AKR1C2: variants seen among roughly 807,000 people sequenced by gnomAD.
AKR1C2 encodes the protein 3-alpha-HSD3.
Under a neutral mutation model 39.8 loss-of-function variants are expected in AKR1C2, and 27 were observed. The ratio of observed to expected loss-of-function variants is 0.68; its 90% CI spans 0.50 to 0.93. The LOEUF (loss-of-function observed/expected upper bound fraction) is 0.93. AKR1C2 is among the 40% of genes least tolerant of loss of function. The pLI, the probability that AKR1C2 is intolerant of heterozygous loss-of-function variation, is 0.00. For synonymous variants in AKR1C2, 114 were observed against 137.9 expected (o/e 0.83, Z 1.22); for missense variants, 263 against 365.1 (o/e 0.72, Z 2.28).
At chr10:5,010,524 C>T (rs1431854130) in intron 1 of AKR1C2, 5 of 152,024 alleles carry the variant, frequency 3.3e-5, no homozygotes, top group African/African-American at 7.3e-5. Context: ...AGGACAAGAG[C>T]CACTTGAAGA....
At chr10:5,008,224 G>C (rs10904389), upstream of AKR1C2, among the ~76,000 whole-genome samples, 85 of 142,846 alleles carry the variant, frequency 6.0e-4, no homozygotes, top group Non-Finnish European at 1.0e-3. Flanking sequence ...CCACATATTA[G>C]TGCTCAACAT....
chr10:4,990,009 GA>G lies in AKR1C2; in HGVS notation c.958del (p.Ser320LeufsTer11). 1 of 1,606,170 alleles carries G rather than the reference GA, an allele frequency of 6.2e-7. No individual in the cohort carries two copies. Among genetic ancestry groups the G allele is most frequent in the Non-Finnish European group, 8.5e-7 (1 of 1,178,122 alleles). ...IFAGPPNYPF[S>X]DEY ...ATGCCCTCCATGTTAATATTCATCA[GA>G]AAATGGATAATTAGGGGGGCCAGCA... is the stretch of plus-strand genomic sequence containing the variant. On this transcript the variant is annotated frameshift_variant, in exon 9 of 9. Transcript: ENST00000380753. LOFTEE classifies it high-confidence loss of function.
chr10:5,013,134 C>A (rs1169913627), intron 1 of AKR1C2, among the ~76,000 whole-genome samples: 1 of 152,146 alleles, frequency 6.6e-6, no homozygotes, highest in Non-Finnish European at 1.5e-5. Flanking sequence ...GTAGAACAAA[C>A]CACCATGGCA....
intron 1 of AKR1C2, among the ~76,000 whole-genome samples, chr10:5,017,098 A>G (rs1793326120): frequency 6.6e-6 from 1 of 152,206 alleles, no homozygotes; most frequent in African/African-American, 2.4e-5. Context: ...CAGGTCTGTG[A>G]TAGAAGGGGT....
Position 4,988,440 on chromosome 10 carries a change from T to A in AKR1C2, c.*1556A>T, listed in dbSNP as rs1247109638. ...GAGCTAGAAATATTTTTTGGTGGAT[T>A]TCTCAGCCTAGAGGTGATATTTAAT... On this transcript the variant is annotated 3_prime_UTR_variant, in exon 9 of 9. Coordinates refer to ENST00000380753, the MANE Select transcript of AKR1C2 (RefSeq NM_001393392.1). The A allele has an allele frequency of 2.0e-5, 3 of 152,238 alleles. No individual in the cohort carries two copies. Among genetic ancestry groups the A allele is most frequent in the African/African-American group, 7.2e-5 (3 of 41,460 alleles). 9.4% of individuals were successfully genotyped at this position (152,238 alleles called of 1,614,324 possible).
chr10:5,001,752 C>G, intron 1 of AKR1C2, 71 bp from the exon 2 acceptor site: 2 of 1,597,276 alleles, frequency 1.3e-6, no homozygotes, highest in East Asian at 2.2e-5. Flanking sequence ...CAAGCAGCAA[C>G]GTTCACAAAA....
intron 5 of AKR1C2, chr10:4,996,079 C>T (rs1554773042): frequency 1.4e-6 from 1 of 694,580 alleles, no homozygotes; most frequent in East Asian, 4.8e-5. Flanking sequence ...CTCCATGAAC[C>T]CTATCCTGGT....
chr10:5,007,825 A>G (rs1440544423), upstream of AKR1C2, among the ~76,000 whole-genome samples: 1 of 151,926 alleles, frequency 6.6e-6, no homozygotes, highest in Non-Finnish European at 1.5e-5. Context: ...CAATGGTTTT[A>G]TAGGCAGTGG....
intron 7 of AKR1C2, among the ~76,000 whole-genome samples, chr10:4,993,151 G>A (rs1244141444): frequency 6.6e-6 from 1 of 152,082 alleles, no homozygotes; most frequent in African/African-American, 2.4e-5. Flanking sequence ...ACTTGCCTGT[G>A]GAAGTTAATA....
intron 5 of AKR1C2, chr10:4,997,477 T>C (rs1554773229): frequency 8.9e-6 from 2 of 223,648 alleles, no homozygotes; most frequent in East Asian, 2.6e-4. Flanking sequence ...GAGAGGTCTC[T>C]AGGGGTCAAT....
chr10:4,994,177 A>C (rs2904808), intron 7 of AKR1C2, among the ~76,000 whole-genome samples: 9,763 of 150,164 alleles, frequency 0.065, 545 homozygotes, highest in African/African-American at 0.15. Flanking sequence ...TATGTATCTA[A>C]CTAATTAGAA....
upstream of AKR1C2, chr10:5,003,905 C>G (rs1175967237): frequency 5.0e-5 from 73 of 1,447,070 alleles, no homozygotes; most frequent in Non-Finnish European, 1.6e-5. Context: ...GAGCTGGCAA[C>G]GCCCCTGAGC....
Position 5,001,739 on chromosome 10 carries a change from G to C in AKR1C2, c.85-58C>G, listed in dbSNP as rs576925833. 17 of 1,606,474 alleles carry C rather than the reference G, an allele frequency of 1.1e-5. No homozygotes were observed. The East Asian group carries it at 3.6e-4, about 34-fold the overall frequency. On this transcript the variant is annotated intron_variant, in intron 1 of 8. Coordinates refer to ENST00000380753, the MANE Select transcript of AKR1C2 (RefSeq NM_001393392.1). Reference sequence around the variant, plus strand: ...CTAATGTGCCTGAGAGTTAGTTCGGGCACAAGCAGCAACGTTCACAAAAAT... The same window carrying C: ...CTAATGTGCCTGAGAGTTAGTTCGGCCACAAGCAGCAACGTTCACAAAAAT...
At chr10:5,008,272 T>TG (rs782503559), upstream of AKR1C2, among the ~76,000 whole-genome samples, 9,426 of 104,462 alleles carry the variant, frequency 0.09, 810 homozygotes, top group Non-Finnish European at 0.12. Context: ...CTCCAGACCC[T>TG]GAGCAGGTTT....
At position 4,990,570 on chromosome 10, in the gene AKR1C2, T is replaced by A. The variant is rs75098892; in HGVS notation, c.930-532A>T. Reference sequence around the variant, plus strand: ...TTAGAAACGTAAATTATTGTTTATGTTATAGGGCCCAATATTCAAAGAGCT... The same window carrying A: ...TTAGAAACGTAAATTATTGTTTATGATATAGGGCCCAATATTCAAAGAGCT... On this transcript the variant is annotated intron_variant, in intron 8 of 8. Transcript: ENST00000380753. Among the ~76,000 whole-genome samples, 755 of 152,324 alleles carry A rather than the reference T, an allele frequency of 5.0e-3. 6 individuals are homozygous for A. The highest frequency in any genetic ancestry group is 0.017 in the African/African-American group (718 of 41,566).
chr10:5,016,115 G>A (rs1210082091), intron 1 of AKR1C2, among the ~76,000 whole-genome samples: 4 of 152,124 alleles, frequency 2.6e-5, no homozygotes, highest in African/African-American at 7.2e-5. Context: ...TAATTTGGGT[G>A]GGGACACAGA....
Position 5,015,686 on chromosome 10 carries a change from A to G in AKR1C2, c.-88+2214T>C, listed in dbSNP as rs372350778. 9.2e-5 allele frequency among the ~76,000 whole-genome samples: 14 copies of G among 152,320 alleles called. No individual in the cohort carries two copies. In the South Asian group the frequency reaches 2.9e-3, roughly 32 times the overall value. On this transcript the variant is annotated intron_variant, in intron 1 of 6. Transcript: ENST00000604507. The stretch of plus-strand genomic sequence containing the variant: ...AGACGGCCAAGAGCAGAGCATGGAC[A>G]TATTTGATTAGTACCGAGGAAATGT...
At chr10:4,992,628 A>G (rs1836878632) in intron 7 of AKR1C2, among the ~76,000 whole-genome samples, 1 of 152,214 alleles carries the variant, frequency 6.6e-6, no homozygotes, top group Non-Finnish European at 1.5e-5. Context: ...CCACAAAATG[A>G]AAATGAAAAG....
At position 4,999,396 on chromosome 10, in the gene AKR1C2, A is replaced by G. The variant is rs1837177609; in HGVS notation, c.370-119T>C. 9 of 1,605,704 alleles carry G rather than the reference A, an allele frequency of 5.6e-6. No individual in the cohort carries two copies. The East Asian group carries it at 6.7e-5, about 12-fold the overall frequency. ...TGAGGTAGGTGATGCAGCGCTCCAG[A>G]GAGTGGTATGTACAAAGTGTACTAC... On this transcript the variant is annotated intron_variant, in intron 3 of 8. Transcript: ENST00000380753.
Sources: gnomAD v4.1 joint callset for allele counts (sites outside exome capture counted in the v4.1 genomes callset) on GRCh38, gnomAD v4.1.1 for gene constraint, MANE v1.5 for transcripts, NCBI Gene and HGNC (gene_info 2026-07-23, HGNC 2026-07-21) for gene names.